FYCO1: variants seen among roughly 807,000 people sequenced by gnomAD.
FYCO1 encodes the protein FYVE and coiled-coil domain-containing protein 1.
Under a neutral mutation model 165.1 loss-of-function variants are expected in FYCO1, and 122 were observed. The observed-to-expected ratio is 0.74, with a 90% CI of 0.64 to 0.86. The LOEUF (loss-of-function observed/expected upper bound fraction) is 0.86, where lower values mean the gene tolerates loss of function less well. FYCO1 is among the 40% of genes least tolerant of loss of function. The pLI, the probability that FYCO1 is intolerant of heterozygous loss-of-function variation, is 0.00. For synonymous variants in FYCO1, 648 were observed against 742.5 expected (o/e 0.87, Z 2.07); for missense variants, 1,702 against 1,810.3 (o/e 0.94, Z 1.09).
At chr3:45,985,461 T>C (rs973827779) in intron 1 of FYCO1, among the ~76,000 whole-genome samples, 9 of 152,164 alleles carry the variant, frequency 5.9e-5, no homozygotes, top group African/African-American at 2.2e-4. Flanking sequence ...CCTCTCCACC[T>C]TTCTTTCTCT....
chr3:45,978,887 C>T (rs1210892634), intron 4 of FYCO1, among the ~76,000 whole-genome samples: 3 of 144,370 alleles, frequency 2.1e-5, no homozygotes, highest in Non-Finnish European at 3.0e-5. Flanking sequence ...GACGGAGTCT[C>T]GCTCTGTCGC....
intron 14 of FYCO1, among the ~76,000 whole-genome samples, chr3:45,952,293 AT>A (rs1272471952): frequency 6.6e-6 from 1 of 151,472 alleles, no homozygotes; most frequent in Non-Finnish European, 1.5e-5. Flanking sequence ...GGATTTGCTT[AT>A]TTTTTCCCGA....
At chr3:45,946,435 T>C in intron 14 of FYCO1, 1 of 1,530,462 alleles carries the variant, frequency 6.5e-7, no homozygotes. Context: ...CAGCCCCAAA[T>C]ATAATTCCTG....
intron 16 of FYCO1, among the ~76,000 whole-genome samples, chr3:45,929,534 T>C (rs997631288): frequency 6.6e-6 from 1 of 152,080 alleles, no homozygotes; most frequent in Non-Finnish European, 1.5e-5. Flanking sequence ...GGGAACGTGA[T>C]GGTGAGTGGC....
At chr3:45,963,865 C>G (rs908517616) in intron 10 of FYCO1, among the ~76,000 whole-genome samples, 1 of 152,168 alleles carries the variant, frequency 6.6e-6, no homozygotes, top group Non-Finnish European at 1.5e-5. Context: ...GATCCTGGTC[C>G]TTGGCACACT....
Position 45,959,932 on chromosome 3 carries a change from C to T in FYCO1, c.3438-390G>A, listed in dbSNP as rs77333392. On this transcript the variant is annotated intron_variant, in intron 11 of 17. Transcript: ENST00000296137. ...CAAGGACCATGAATGTACTTCCCACCTGAATCTTAATGTGCTTGGGGCCCT... is the reference window on the plus strand; with the variant it reads ...CAAGGACCATGAATGTACTTCCCACTTGAATCTTAATGTGCTTGGGGCCCT... Among the ~76,000 whole-genome samples the T allele has an allele frequency of 7.5e-3, 1,140 of 152,306 alleles. 7 individuals are homozygous for T. The highest frequency in any genetic ancestry group is 0.023 in the African/African-American group (969 of 41,558).
Position 45,938,204 on chromosome 3 carries a change from A to T in FYCO1, c.3945-1661T>A, listed in dbSNP as rs140210734. 11 of 1,289,004 alleles carry T rather than the reference A, an allele frequency of 8.5e-6. No homozygotes were observed. In the African/African-American group the frequency reaches 1.7e-4, roughly 20 times the overall value. The allele number at this position is 1,289,004 out of a possible 1,614,324, so 79.8% of individuals were successfully genotyped here. ...AGACAACGCCTGATTACCTGCAAGC[A>T]GATGATTCACAGAGCAGGTTTCCCA... On this transcript the variant is annotated intron_variant, in intron 14 of 17. Transcript: ENST00000296137.
At chr3:45,952,351 C>T (rs1705079859) in intron 14 of FYCO1, among the ~76,000 whole-genome samples, 1 of 152,118 alleles carries the variant, frequency 6.6e-6, no homozygotes, top group Non-Finnish European at 1.5e-5. Flanking sequence ...TCTAGATCTC[C>T]CACACTTTCT....
chr3:45,971,479 G>A (rs1706441364), intron 6 of FYCO1, among the ~76,000 whole-genome samples: 1 of 152,162 alleles, frequency 6.6e-6, no homozygotes, highest in Admixed American at 6.6e-5. Context: ...GAGAAACTTG[G>A]CAAGCACCGC....
At chr3:45,954,899 C>T (rs1436561752) in intron 14 of FYCO1, among the ~76,000 whole-genome samples, 1 of 152,196 alleles carries the variant, frequency 6.6e-6, no homozygotes, top group African/African-American at 2.4e-5. Flanking sequence ...CTTGCACTTC[C>T]AGCCTCCAGA....
At chr3:45,976,088 C>T (rs1706743527) in intron 4 of FYCO1, among the ~76,000 whole-genome samples, 1 of 151,788 alleles carries the variant, frequency 6.6e-6, no homozygotes, top group Non-Finnish European at 1.5e-5. Context: ...CTCTAGGCAG[C>T]CCAGTCACAC....
intron 14 of FYCO1, chr3:45,938,160 C>A: frequency 8.1e-7 from 1 of 1,239,386 alleles, no homozygotes; most frequent in Non-Finnish European, 1.1e-6. Flanking sequence ...TCACCCTCCT[C>A]CCTGACCACA....
chr3:45,951,913 G>A (rs1348082529), intron 14 of FYCO1, among the ~76,000 whole-genome samples: 1 of 152,208 alleles, frequency 6.6e-6, no homozygotes, highest in Non-Finnish European at 1.5e-5. Flanking sequence ...CCAAAACTGT[G>A]TACATGTGCG....
intron 8 of FYCO1, 109 bp downstream of exon 8, chr3:45,966,168 A>T: frequency 8.7e-7 from 1 of 1,145,818 alleles, no homozygotes; most frequent in Non-Finnish European, 1.3e-6. Flanking sequence ...CACCCACAGT[A>T]CATTCTCCAG....
intron 15 of FYCO1, among the ~76,000 whole-genome samples, chr3:45,934,265 A>C (rs956784934): frequency 2.0e-5 from 3 of 152,218 alleles, no homozygotes; most frequent in African/African-American, 7.2e-5. Context: ...AAATATGATG[A>C]CAGATAAGCC....
intron 16 of FYCO1, among the ~76,000 whole-genome samples, chr3:45,929,350 G>C (rs1532070): frequency 0.84 from 128,107 of 152,140 alleles, 54,646 homozygotes; most frequent in East Asian, 1. Context: ...ACCCCAGGCT[G>C]CTGAGGACTC....
chr3:45,936,834 T>C (rs886160619), intron 14 of FYCO1, among the ~76,000 whole-genome samples: 8 of 152,010 alleles, frequency 5.3e-5, no homozygotes, highest in African/African-American at 1.9e-4. Flanking sequence ...GAAACACAAA[T>C]CAACCACTCT....
chr3:45,951,258 C>T (rs1172959608), intron 14 of FYCO1, among the ~76,000 whole-genome samples: 1 of 152,146 alleles, frequency 6.6e-6, no homozygotes, highest in African/African-American at 2.4e-5. Flanking sequence ...CAGTGCTCCA[C>T]ACACACAGTT....
Position 45,920,781 on chromosome 3 carries a change from C to A in FYCO1, c.*984G>T, listed in dbSNP as rs1703063476. 2 of 152,586 alleles carry A rather than the reference C, an allele frequency of 1.3e-5. No homozygotes were observed. Among genetic ancestry groups the A allele is most frequent in the Non-Finnish European group, 2.9e-5 (2 of 68,036 alleles). 9.5% of individuals were successfully genotyped at this position (152,586 alleles called of 1,614,324 possible). A position where few individuals can be genotyped will look rare whatever the true frequency, so the allele number is the denominator to read the frequency against. On this transcript the variant is annotated 3_prime_UTR_variant, in exon 18 of 18. Coordinates refer to ENST00000296137, the MANE Select transcript of FYCO1 (RefSeq NM_024513.4). ...TCAAAGACTTTTGTTAAGAAGGCCC[C>A]AATGTTTGAAAGTGGTTCTAATCCT... is the stretch of plus-strand genomic sequence containing the variant.
Sources: gnomAD v4.1 joint callset for allele counts (sites outside exome capture counted in the v4.1 genomes callset) on GRCh38, gnomAD v4.1.1 for gene constraint, MANE v1.5 for transcripts, NCBI Gene and HGNC (gene_info 2026-07-23, HGNC 2026-07-21) for gene names.